Variants in PTPRM observed in about 807,000 individuals in gnomAD.
PTPRM encodes receptor-type tyrosine-protein phosphatase mu.
PTPRM carries 47 observed loss-of-function variants against 186.7 expected under a neutral mutation model. The observed-to-expected ratio is 0.25, with a 90% CI of 0.20 to 0.32. PTPRM has a LOEUF of 0.32. Among genes scored for constraint, PTPRM ranks in the 10% least tolerant of loss-of-function variants. The probability of loss-of-function intolerance (pLI) is 1.00; values close to 1 mark genes in which losing one functional copy is unlikely to be tolerated. For missense variants in PTPRM, 1,494 were observed against 1,865.0 expected (o/e 0.80, Z 3.66); for synonymous variants, 668 against 674.9 (o/e 0.99, Z 0.16).
At chr18:8,285,238 A>C (rs1398746593) in intron 19 of PTPRM, among the ~76,000 whole-genome samples, 1 of 152,234 alleles carries the variant, frequency 6.6e-6, no homozygotes, top group African/African-American at 2.4e-5. Context: ...TTAATTATAA[A>C]AATTCTACTG....
At chr18:7,777,282 C>G (rs916975019) in intron 2 of PTPRM, among the ~76,000 whole-genome samples, 2 of 152,136 alleles carry the variant, frequency 1.3e-5, no homozygotes, top group African/African-American at 2.4e-5. Context: ...CAGCTCGCTG[C>G]TAGTTTTTGT....
At chr18:8,316,617 G>A (rs74745403) in intron 21 of PTPRM, among the ~76,000 whole-genome samples, 1,885 of 152,202 alleles carry the variant, frequency 0.012, 28 homozygotes, top group African/African-American at 0.042. Context: ...ACTGTGAACC[G>A]TTCAAACCAA....
At chr18:8,013,138 C>G (rs2084642723) in intron 7 of PTPRM, among the ~76,000 whole-genome samples, 1 of 151,932 alleles carries the variant, frequency 6.6e-6, no homozygotes, top group Non-Finnish European at 1.5e-5. Context: ...TTCAGTTTCA[C>G]CAGCATAAAA....
rs376814657 is a variant in PTPRM, at chr18:7,861,021, C to T, written c.197-27085C>T. ...CACTGAGAAAGAAGCCATTTCTGAT[C>T]TGACTTCCTACTCTGTTCCTCCTAG... On this transcript the variant is annotated intron_variant, in intron 2 of 32. Coordinates refer to ENST00000580170, the MANE Select transcript of PTPRM (RefSeq NM_001105244.2). 7.2e-4 allele frequency among the ~76,000 whole-genome samples: 109 copies of T among 152,328 alleles called. 1 individual carries two copies. The highest frequency in any genetic ancestry group is 2.4e-3 in the African/African-American group (100 of 41,578).
chr18:8,233,006 T>G (rs2094305684), intron 14 of PTPRM, among the ~76,000 whole-genome samples: 1 of 152,178 alleles, frequency 6.6e-6, no homozygotes, highest in Non-Finnish European at 1.5e-5. Flanking sequence ...ACTAGATGTC[T>G]CAGGAGATAA....
intron 1 of PTPRM, among the ~76,000 whole-genome samples, chr18:7,675,650 C>G (rs143883975): frequency 2.1e-4 from 32 of 152,258 alleles, no homozygotes; most frequent in African/African-American, 7.0e-4. Flanking sequence ...CATCTCACCC[C>G]TTTGCACACA....
At chr18:7,912,975 A>G (rs73379963) in intron 4 of PTPRM, among the ~76,000 whole-genome samples, 23,335 of 152,146 alleles carry the variant, frequency 0.15, 1,915 homozygotes, top group Middle Eastern at 0.34. Context: ...TGATCTGTGA[A>G]TGTGGGATGT....
chr18:7,776,860 A>G (rs2145010780), intron 2 of PTPRM, among the ~76,000 whole-genome samples: 1 of 152,352 alleles, frequency 6.6e-6, no homozygotes, highest in East Asian at 1.9e-4. Context: ...AAGTGAGGAA[A>G]CAGCATCTTA....
chr18:7,680,379 T>C (rs1003175410), intron 1 of PTPRM, among the ~76,000 whole-genome samples: 7 of 152,148 alleles, frequency 4.6e-5, no homozygotes, highest in African/African-American at 1.7e-4. Context: ...CAGCGTGCCA[T>C]ATTCAACTTG....
chr18:8,253,192 T>A (rs2094544693), intron 18 of PTPRM, 35 bp from the exon 19 acceptor site: 14 of 1,355,074 alleles, frequency 1.0e-5, no homozygotes, highest in Non-Finnish European at 1.3e-5. Context: ...GCTCCCTGGC[T>A]CTCCCTCATT....
chr18:7,572,672 A>G (rs1354381842), intron 1 of PTPRM, among the ~76,000 whole-genome samples: 2 of 152,152 alleles, frequency 1.3e-5, no homozygotes, highest in African/African-American at 4.8e-5. Context: ...CATTTTTCTT[A>G]GGGGTTATGT....
At chr18:8,139,924 T>A (rs2092724981) in intron 13 of PTPRM, among the ~76,000 whole-genome samples, 1 of 152,212 alleles carries the variant, frequency 6.6e-6, no homozygotes, top group Non-Finnish European at 1.5e-5. Context: ...GTTTTGTCCA[T>A]CTGCTCACCA....
intron 19 of PTPRM, among the ~76,000 whole-genome samples, chr18:8,285,265 A>T (rs2094943965): frequency 6.6e-6 from 1 of 152,218 alleles, no homozygotes. Flanking sequence ...TTAAAAAGCA[A>T]ATTCAGTAAC....
chr18:7,733,442 T>A (rs2040703224), intron 1 of PTPRM, among the ~76,000 whole-genome samples: 1 of 152,144 alleles, frequency 6.6e-6, no homozygotes, highest in African/African-American at 2.4e-5. Flanking sequence ...TGCATAGTAT[T>A]CCATGGTGTA....
intron 7 of PTPRM, among the ~76,000 whole-genome samples, chr18:8,068,932 G>A (rs938460288): frequency 5.3e-5 from 8 of 151,804 alleles, no homozygotes; most frequent in Non-Finnish European, 1.2e-4. Context: ...ACCCTGTCTC[G>A]ACTAGAAATA....
At position 8,391,816 on chromosome 18, in the gene PTPRM, A is replaced by T. The variant is rs570818506; in HGVS notation, c.4209-2660A>T. ...GAACACGATGATCTCTCTTAAAACC[A>T]TAAAACAAGGGACAACCAGATATTT... On this transcript the variant is annotated intron_variant, in intron 31 of 32. Transcript: ENST00000580170. 6.6e-5 allele frequency among the ~76,000 whole-genome samples: 10 copies of T among 152,380 alleles called. No homozygotes were observed. The South Asian group carries it at 1.9e-3, about 28-fold the overall frequency.
chr18:7,756,812 C>G (rs1386635753), intron 1 of PTPRM, among the ~76,000 whole-genome samples: 1 of 152,104 alleles, frequency 6.6e-6, no homozygotes, highest in Non-Finnish European at 1.5e-5. Context: ...GGATGGCTTC[C>G]CTTGTGTTGT....
At chr18:7,817,941 G>A (rs331416) in intron 2 of PTPRM, among the ~76,000 whole-genome samples, 5,009 of 152,194 alleles carry the variant, frequency 0.033, 270 homozygotes, top group African/African-American at 0.11. Context: ...AAATGTTTCC[G>A]TCCAGAAAAG....
chr18:8,385,397 G>T (rs576316007), intron 30 of PTPRM, among the ~76,000 whole-genome samples: 10 of 152,352 alleles, frequency 6.6e-5, no homozygotes, highest in Non-Finnish European at 5.9e-5. Context: ...AAGTACTGGG[G>T]TTAGAAAGTG....
Sources: gnomAD v4.1 joint callset for allele counts (sites outside exome capture counted in the v4.1 genomes callset) on GRCh38, gnomAD v4.1.1 for gene constraint, MANE v1.5 for transcripts, NCBI Gene and HGNC (gene_info 2026-07-23, HGNC 2026-07-21) for gene names.